ATP9B: variants seen among roughly 807,000 people sequenced by gnomAD.
ATP9B encodes probable phospholipid-transporting ATPase IIB.
In ATP9B, 110 loss-of-function variants were observed where a neutral mutation model predicts 146.1. That is an observed-to-expected ratio of 0.75 (90% CI 0.65 to 0.88). The LOEUF is 0.88. Ranked by LOEUF, ATP9B falls within the 40% of genes least tolerant of loss-of-function variation. ATP9B has a pLI of 0.00. For missense variants in ATP9B, 1,499 were observed against 1,496.4 expected (o/e 1.00, Z -0.03); for synonymous variants, 604 against 569.7 (o/e 1.06, Z -0.86).
At chr18:79,198,435 C>T (rs903570698) in intron 9 of ATP9B, among the ~76,000 whole-genome samples, 1 of 152,170 alleles carries the variant, frequency 6.6e-6, no homozygotes, top group Non-Finnish European at 1.5e-5. Flanking sequence ...AAGCCCTAAA[C>T]ATTTATGCAC....
chr18:79,154,190 T>G (rs1334446336), intron 6 of ATP9B, among the ~76,000 whole-genome samples: 2 of 151,878 alleles, frequency 1.3e-5, no homozygotes, highest in Non-Finnish European at 2.9e-5. Flanking sequence ...CTCGATCTCA[T>G]GACCTCATGA....
chr18:79,249,413 C>T (rs1467079512), intron 11 of ATP9B, among the ~76,000 whole-genome samples: 1 of 152,064 alleles, frequency 6.6e-6, no homozygotes, highest in Non-Finnish European at 1.5e-5. Flanking sequence ...AATATTATGA[C>T]AAGTAGAAGA....
rs750238299 is a variant in ATP9B at position 79,307,063 on chromosome 18, G to A, written c.1602G>A (p.Arg534=). ...CCCAATCTTCAGCTCCCAAAGTTAG[G>A]AAAAGTGTCAGTAGTCGAATCCATG... is the stretch of plus-strand genomic sequence containing the variant. ...RKAQSSAPKV[R]KSVSSRIHEA... Residue 534 remains arginine, a synonymous_variant, in exon 15 of 30, where the codon AGG becomes AGA. Coordinates refer to ENST00000426216, the MANE Select transcript of ATP9B (RefSeq NM_198531.5). 1 of 1,614,186 alleles carries A rather than the reference G, an allele frequency of 6.2e-7. No individual in the cohort carries two copies. The highest frequency in any genetic ancestry group is 1.1e-5 in the South Asian group (1 of 91,082).
rs531682768 is a variant in ATP9B, at chr18:79,073,104, A to G, written c.119+3575A>G. On this transcript the variant is annotated intron_variant, in intron 1 of 29. Transcript: ENST00000426216. ...GGCGGAGACGCTCCTCACTTCCTAG[A>G]TGGGGTGGCGGCCGGGAAGAGGCGC... is the stretch of plus-strand genomic sequence containing the variant. Among the ~76,000 whole-genome samples, 3 of 150,684 alleles carry G rather than the reference A, an allele frequency of 2.0e-5. No homozygotes were observed. The East Asian group carries it at 5.9e-4, about 29-fold the overall frequency.
chr18:79,132,158 G>C (rs1425565606), intron 5 of ATP9B, among the ~76,000 whole-genome samples: 2 of 152,014 alleles, frequency 1.3e-5, no homozygotes, highest in African/African-American at 2.4e-5. Flanking sequence ...ACCTTCTGCT[G>C]TTACGTCTTT....
Position 79,148,249 on chromosome 18 carries a change from A to C in ATP9B, c.726+4389A>C, listed in dbSNP as rs1384159108. Reference sequence around the variant, plus strand: ...ACAGAAGACTTAGCATCAACTTTGCACAGTTATTTTCAGAAAATAATTGAG... The same window carrying C: ...ACAGAAGACTTAGCATCAACTTTGCCCAGTTATTTTCAGAAAATAATTGAG... On this transcript the variant is annotated intron_variant, in intron 6 of 29. Coordinates refer to ENST00000426216, the MANE Select transcript of ATP9B (RefSeq NM_198531.5). Among the ~76,000 whole-genome samples, 5 of 152,352 alleles carry C rather than the reference A, an allele frequency of 3.3e-5. No individual in the cohort carries two copies. The East Asian group carries it at 9.6e-4, about 29-fold the overall frequency.
At chr18:79,216,028 AT>A (rs1375423468) in intron 11 of ATP9B, among the ~76,000 whole-genome samples, 1 of 152,090 alleles carries the variant, frequency 6.6e-6, no homozygotes, top group Non-Finnish European at 1.5e-5. Flanking sequence ...CAGTTCTAGG[AT>A]TTTTTTCCTA....
chr18:79,363,968 T>C (rs1770527330), intron 26 of ATP9B: 1 of 152,222 alleles, frequency 6.6e-6, no homozygotes, highest in Non-Finnish European at 1.5e-5. Flanking sequence ...CAAAATAATT[T>C]AGAAAATAAC....
At chr18:79,375,238 C>G (rs1397458054) in intron 28 of ATP9B, among the ~76,000 whole-genome samples, 156 bp from the exon 29 acceptor site, 1 of 152,192 alleles carries the variant, frequency 6.6e-6, no homozygotes, top group Admixed American at 6.5e-5. Flanking sequence ...TGGTATCAGG[C>G]AGGGAAATGA....
At chr18:79,141,003 G>A (rs747515127) in intron 5 of ATP9B, among the ~76,000 whole-genome samples, 23 of 152,144 alleles carry the variant, frequency 1.5e-4, no homozygotes, top group Non-Finnish European at 2.4e-4. Flanking sequence ...TTTAGAGAGT[G>A]GAAAGTACTG....
chr18:79,312,690 A>T (rs2096659433), intron 15 of ATP9B, among the ~76,000 whole-genome samples: 1 of 152,212 alleles, frequency 6.6e-6, no homozygotes, highest in Non-Finnish European at 1.5e-5. Context: ...GGGGAGTAAA[A>T]CACATCTGTA....
At chr18:79,115,257 A>G (rs538859267) in intron 4 of ATP9B, 1 of 132,100 alleles carries the variant, frequency 7.6e-6, no homozygotes, top group African/African-American at 3.1e-5. Flanking sequence ...ACCACTGCTC[A>G]AGGAAATAAA....
chr18:79,200,758 G>GGGACT, intron 9 of ATP9B, among the ~76,000 whole-genome samples: 1 of 152,252 alleles, frequency 6.6e-6, no homozygotes, highest in African/African-American at 2.4e-5. Context: ...GGTGGAGGTG[G>GGGACT]GAACGTTGGG....
Position 79,377,456 on chromosome 18 carries a change from A to G in ATP9B, c.*73A>G. Reference sequence around the variant, plus strand: ...CCAGCACCTTGTGCCCTTGCCAGTGAACGCAGGGTTTGCCATTGCTACCAA... The same window carrying G: ...CCAGCACCTTGTGCCCTTGCCAGTGGACGCAGGGTTTGCCATTGCTACCAA... On this transcript the variant is annotated 3_prime_UTR_variant, in exon 30 of 30. Coordinates refer to ENST00000426216, the MANE Select transcript of ATP9B (RefSeq NM_198531.5). 1.9e-6 allele frequency: 3 copies of G among 1,551,978 alleles called. No homozygotes were observed. Among genetic ancestry groups the G allele is most frequent in the Non-Finnish European group, 2.6e-6 (3 of 1,147,416 alleles).
At chr18:79,098,457 T>C (rs8097895) in intron 2 of ATP9B, among the ~76,000 whole-genome samples, 1 of 144,752 alleles carries the variant, frequency 6.9e-6, no homozygotes, top group Non-Finnish European at 1.5e-5. Flanking sequence ...CCTACAACAT[T>C]GGAGAAAATT....
chr18:79,303,804 A>G (rs2096606377), intron 14 of ATP9B, 88 bp downstream of exon 14: 3 of 821,976 alleles, frequency 3.6e-6, no homozygotes, highest in South Asian at 3.4e-5. Context: ...CCATCTGTAA[A>G]TTAGCACGCT....
At chr18:79,324,816 T>C (rs890336732) in intron 15 of ATP9B, among the ~76,000 whole-genome samples, 2 of 152,272 alleles carry the variant, frequency 1.3e-5, no homozygotes, top group African/African-American at 4.8e-5. Flanking sequence ...CATTTTGCTG[T>C]CCCTGAATTT....
intron 15 of ATP9B, among the ~76,000 whole-genome samples, chr18:79,318,912 C>A (rs953341553): frequency 6.6e-6 from 1 of 152,250 alleles, no homozygotes; most frequent in East Asian, 1.9e-4. Context: ...CTCTGCAGAA[C>A]GAGGTGACCA....
At chr18:79,209,082 C>T (rs546998738) in intron 10 of ATP9B, among the ~76,000 whole-genome samples, 30 of 152,312 alleles carry the variant, frequency 2.0e-4, no homozygotes, top group Non-Finnish European at 2.9e-4. Flanking sequence ...CCTGGCCTCA[C>T]GCTGAATGGC....
Sources: gnomAD v4.1 joint callset for allele counts (sites outside exome capture counted in the v4.1 genomes callset) on GRCh38, gnomAD v4.1.1 for gene constraint, MANE v1.5 for transcripts, NCBI Gene and HGNC (gene_info 2026-07-23, HGNC 2026-07-21) for gene names.